The following DYNC2I2 variants were observed in gnomAD, a reference collection of about 807,000 sequenced individuals.
The protein encoded by DYNC2I2 is cytoplasmic dynein 2 intermediate chain 2.
DYNC2I2 carries 39 observed loss-of-function variants against 52.0 expected under a neutral mutation model. The ratio of observed to expected loss-of-function variants is 0.75; its 90% confidence interval spans 0.58 to 0.98. The LOEUF (loss-of-function observed/expected upper bound fraction) is 0.98, where lower values mean the gene tolerates loss of function less well. Ranked by LOEUF, DYNC2I2 falls within the 50% of genes least tolerant of loss-of-function variation. The pLI is 0.00. For synonymous variants in DYNC2I2, 359 were observed against 321.1 expected (o/e 1.12, Z -1.26); for missense variants, 743 against 728.4 (o/e 1.02, Z -0.23).
At chr9:128,665,852 C>T in the DYNC2I2 span, among the ~76,000 whole-genome samples, 1 of 147,776 alleles carries the variant, frequency 6.8e-6, no homozygotes, top group Admixed American at 6.9e-5. Context: ...GCAGGCAGCT[C>T]ATGAGGTCAG....
At chr9:128,662,633 G>A in the DYNC2I2 span, among the ~76,000 whole-genome samples, 2 of 151,932 alleles carry the variant, frequency 1.3e-5, no homozygotes, top group Admixed American at 6.6e-5. Flanking sequence ...AGGCTGGAGT[G>A]TAGTGGCACG....
chr9:128,654,033 C>A (rs1860770578), intron 1 of DYNC2I2, among the ~76,000 whole-genome samples: 1 of 152,106 alleles, frequency 6.6e-6, no homozygotes, highest in Non-Finnish European at 1.5e-5. Flanking sequence ...AAAACAAAAA[C>A]AAAATGTTCA....
the DYNC2I2 span, among the ~76,000 whole-genome samples, chr9:128,675,479 G>A: frequency 4.0e-5 from 6 of 151,890 alleles, no homozygotes; most frequent in Non-Finnish European, 7.4e-5. Context: ...CGAGCCTGGC[G>A]GAGCCTTGAT....
chr9:128,682,580 G>A, the DYNC2I2 span, among the ~76,000 whole-genome samples: 128 of 152,022 alleles, frequency 8.4e-4, no homozygotes, highest in Non-Finnish European at 1.2e-4. Flanking sequence ...AGGAGGCTGA[G>A]GTGGGAGGAT....
At chr9:128,666,793 G>A in the DYNC2I2 span, among the ~76,000 whole-genome samples, 10 of 151,682 alleles carry the variant, frequency 6.6e-5, no homozygotes, top group African/African-American at 2.4e-4. Flanking sequence ...GCCTGGCATG[G>A]TGACTCATGC....
At chr9:128,670,463 C>G in the DYNC2I2 span, among the ~76,000 whole-genome samples, 1 of 150,902 alleles carries the variant, frequency 6.6e-6, no homozygotes, top group Non-Finnish European at 1.5e-5. Context: ...AGAGGCCAAA[C>G]ACAGTGGCTT....
At chr9:128,682,836 C>G in the DYNC2I2 span, among the ~76,000 whole-genome samples, 1 of 151,258 alleles carries the variant, frequency 6.6e-6, no homozygotes, top group Non-Finnish European at 1.5e-5. Context: ...CCTCCACGCT[C>G]GGCTGATTTT....
intron 7 of DYNC2I2, 27 bp downstream of exon 7, chr9:128,634,662 A>C: frequency 6.7e-7 from 1 of 1,500,996 alleles, no homozygotes; most frequent in Non-Finnish European, 8.9e-7. Context: ...CCCTGGCCCC[A>C]CTGTGCCCCA....
At chr9:128,635,605 C>CT in intron 5 of DYNC2I2, 53 bp downstream of exon 5, 1 of 1,506,900 alleles carries the variant, frequency 6.6e-7, no homozygotes, top group Non-Finnish European at 9.0e-7. Context: ...AGTGGGCGCC[C>CT]TCTCCCCAGC....
At chr9:128,634,492 C>A in intron 7 of DYNC2I2, 109 bp from the exon 8 acceptor site, 1 of 1,430,916 alleles carries the variant, frequency 7.0e-7, no homozygotes, top group Non-Finnish European at 9.4e-7. Context: ...AAGAGCCTCC[C>A]GGGTCCCTCA....
chr9:128,640,966 ACCACCCAGCTGTCCTCGCACAGCCC>A, intron 1 of DYNC2I2, 27 bp from the exon 2 acceptor site: 1 of 1,559,762 alleles, frequency 6.4e-7, no homozygotes, highest in Non-Finnish European at 8.7e-7. Flanking sequence ...AACAAGTGTC[ACCACCCAGCTGTCCTCGCACAGCCC>A]CCACCCAGCC....
At chr9:128,672,147 G>T in the DYNC2I2 span, among the ~76,000 whole-genome samples, 1 of 148,038 alleles carries the variant, frequency 6.8e-6, no homozygotes, top group African/African-American at 2.5e-5. Context: ...CTAAATTTTT[G>T]TATTTTTAGT....
chr9:128,651,703 A>G lies in DYNC2I2; in HGVS notation c.186+4838T>C, dbSNP rs1029805402. ...CGAGGCGGGCAGATCACCCAAGGTC[A>G]GGAGTTTTGAGACCAGCCTGGCCAA... is the stretch of plus-strand genomic sequence containing the variant. On this transcript the variant is annotated intron_variant, in intron 1 of 8. Coordinates refer to ENST00000372715, the MANE Select transcript of DYNC2I2 (RefSeq NM_052844.4). 4 of 135,608 alleles carry G rather than the reference A, an allele frequency of 2.9e-5. 1 individual carries two copies. Among genetic ancestry groups the G allele is most frequent in the African/African-American group, 1.1e-4 (4 of 36,822 alleles). The allele number at this position is 135,608 out of a possible 1,614,324, so 8.4% of individuals were successfully genotyped here. A position where few individuals can be genotyped will look rare whatever the true frequency, so the allele number is the denominator to read the frequency against.
intron 1 of DYNC2I2, among the ~76,000 whole-genome samples, chr9:128,647,178 G>GA (rs1860631060): frequency 6.6e-6 from 1 of 152,190 alleles, no homozygotes; most frequent in Admixed American, 6.5e-5. Flanking sequence ...CAAATTTCCT[G>GA]TGAATTGGTA....
chr9:128,683,488 G>GAA, the DYNC2I2 span: 6 of 213,274 alleles, frequency 2.8e-5, no homozygotes, highest in South Asian at 1.8e-4. Context: ...GAGGCCAAAG[G>GAA]AAAAAAAAAA....
At chr9:128,681,464 C>T in the DYNC2I2 span, among the ~76,000 whole-genome samples, 1 of 152,230 alleles carries the variant, frequency 6.6e-6, no homozygotes, top group African/African-American at 2.4e-5. Flanking sequence ...CTTGGACAGA[C>T]ATTTGCATTG....
At chr9:128,636,811 A>G in intron 3 of DYNC2I2, 107 bp downstream of exon 3, 1 of 855,238 alleles carries the variant, frequency 1.2e-6, no homozygotes. Flanking sequence ...GACTCCCAGG[A>G]TGGCCAAGCT....
At chr9:128,647,400 G>A (rs1860635817) in intron 1 of DYNC2I2, among the ~76,000 whole-genome samples, 1 of 152,128 alleles carries the variant, frequency 6.6e-6, no homozygotes, top group African/African-American at 2.4e-5. Flanking sequence ...AGAGGGGAGT[G>A]TCAAGGACGC....
chr9:128,671,651 TTTTA>T, the DYNC2I2 span, among the ~76,000 whole-genome samples: 2 of 151,382 alleles, frequency 1.3e-5, no homozygotes, highest in African/African-American at 4.9e-5. Flanking sequence ...TTTTGTTATT[TTTTA>T]TTTATTTATT....
Sources: gnomAD v4.1 joint callset for allele counts (sites outside exome capture counted in the v4.1 genomes callset) on GRCh38, gnomAD v4.1.1 for gene constraint, MANE v1.5 for transcripts, NCBI Gene and HGNC (gene_info 2026-07-23, HGNC 2026-07-21) for gene names.